JPH3: variants seen among roughly 807,000 people sequenced by gnomAD.
JPH3 encodes the protein junctophilin-3.
Under a neutral mutation model 59.6 loss-of-function variants are expected in JPH3, and 11 were observed. The ratio of observed to expected loss-of-function variants is 0.18; its 90% CI spans 0.12 to 0.31. JPH3 has a LOEUF of 0.31. Among genes scored for constraint, JPH3 ranks in the 10% least tolerant of loss-of-function variants. The pLI is 1.00. For missense variants in JPH3, 1,202 were observed against 1,105.7 expected (o/e 1.09, Z -1.24); for synonymous variants, 673 against 483.6 (o/e 1.39, Z -5.14).
intron 1 of JPH3, among the ~76,000 whole-genome samples, chr16:87,639,903 C>T (rs1009614287): frequency 7.9e-5 from 12 of 152,188 alleles, no homozygotes; most frequent in Admixed American, 3.3e-4. Context: ...ATTTTATCCC[C>T]GATGCCTTCA....
chr16:87,646,036 G>T (rs1356155665), intron 2 of JPH3, among the ~76,000 whole-genome samples: 2 of 152,240 alleles, frequency 1.3e-5, no homozygotes, highest in Non-Finnish European at 2.9e-5. Flanking sequence ...TTGGGGCAGG[G>T]ATCTGGGAGC....
intron 2 of JPH3, among the ~76,000 whole-genome samples, chr16:87,658,087 T>G (rs535668153): frequency 5.9e-5 from 9 of 152,300 alleles, no homozygotes; most frequent in African/African-American, 2.2e-4. Flanking sequence ...GAAGGCACCA[T>G]GCGGCCCACG....
chr16:87,688,146 T>A (rs1268871846), intron 3 of JPH3, among the ~76,000 whole-genome samples: 1 of 151,984 alleles, frequency 6.6e-6, no homozygotes, highest in Non-Finnish European at 1.5e-5. Flanking sequence ...CAGCCCTGTT[T>A]CTGGGGAGTG....
At chr16:87,694,579 C>T (rs903948381) in intron 4 of JPH3, 4 of 152,310 alleles carry the variant, frequency 2.6e-5, no homozygotes, top group African/African-American at 9.6e-5. Flanking sequence ...CAGAGCCGGC[C>T]ACTGCCAGCC....
At chr16:87,688,611 C>G (rs866075490) in intron 3 of JPH3, among the ~76,000 whole-genome samples, 2 of 152,196 alleles carry the variant, frequency 1.3e-5, no homozygotes, top group Middle Eastern at 6.8e-3. Context: ...AGGTGGCCGC[C>G]CCGGGTAGAG....
intron 2 of JPH3, among the ~76,000 whole-genome samples, chr16:87,662,443 C>T (rs1047616872): frequency 2.0e-5 from 3 of 151,802 alleles, no homozygotes; most frequent in Non-Finnish European, 2.9e-5. Flanking sequence ...TTTTTAGCAC[C>T]GTCAGCATAA....
chr16:87,643,395 G>A (rs1226739607), intron 1 of JPH3, among the ~76,000 whole-genome samples: 1 of 135,936 alleles, frequency 7.4e-6, no homozygotes, highest in Non-Finnish European at 1.5e-5. Context: ...CCCTTCTTCT[G>A]GGGATATCAG....
At chr16:87,690,935 G>A (rs2033553854) in intron 4 of JPH3, among the ~76,000 whole-genome samples, 1 of 152,222 alleles carries the variant, frequency 6.6e-6, no homozygotes, top group African/African-American at 2.4e-5. Context: ...CGAAACAGCT[G>A]GGGGCAAGGC....
At chr16:87,674,951 G>C (rs1245869966) in intron 2 of JPH3, among the ~76,000 whole-genome samples, 1 of 151,828 alleles carries the variant, frequency 6.6e-6, no homozygotes, top group Non-Finnish European at 1.5e-5. Flanking sequence ...AGTAGAGATG[G>C]GGGTTTCACC....
chr16:87,602,998 G>T lies in JPH3; in HGVS notation c.-149G>T. 3.5e-6 allele frequency: 3 copies of T among 852,894 alleles called. No homozygotes were observed. Among genetic ancestry groups the T allele is most frequent in the African/African-American group, 1.8e-5 (1 of 54,986 alleles). The allele number at this position is 852,894 out of a possible 1,614,324, so 52.8% of individuals were successfully genotyped here. On this transcript the variant is annotated 5_prime_UTR_variant, in exon 1 of 5. Coordinates refer to ENST00000284262, the MANE Select transcript of JPH3 (RefSeq NM_020655.4). ...TTCCTCCGGAGCCGGCGCCGCGGCC[G>T]CCCGCGCCCGAGACCGCGCTCCGGG...
chr16:87,628,501 T>C (rs2031457384), intron 1 of JPH3, among the ~76,000 whole-genome samples: 1 of 152,180 alleles, frequency 6.6e-6, no homozygotes, highest in East Asian at 1.9e-4. Flanking sequence ...TGTTGCCCGG[T>C]GACAGTAAAG....
chr16:87,687,116 G>T (rs553309947), intron 3 of JPH3, among the ~76,000 whole-genome samples: 2 of 152,302 alleles, frequency 1.3e-5, no homozygotes, highest in Admixed American at 1.3e-4. Flanking sequence ...CGCCTTGGAT[G>T]CATTCAGGAT....
intron 1 of JPH3, among the ~76,000 whole-genome samples, chr16:87,607,092 G>T (rs551621782): frequency 1.3e-5 from 2 of 152,134 alleles, no homozygotes; most frequent in Non-Finnish European, 2.9e-5. Flanking sequence ...CTTTCCTCTC[G>T]TTTATATCTC....
chr16:87,643,706 C>T (rs910766348), intron 1 of JPH3, among the ~76,000 whole-genome samples: 1 of 152,168 alleles, frequency 6.6e-6, no homozygotes, highest in Admixed American at 6.5e-5. Context: ...CTCCCTTCTC[C>T]CTCCCCGATT....
intron 1 of JPH3, among the ~76,000 whole-genome samples, chr16:87,641,966 C>G (rs956214296): frequency 5.3e-5 from 8 of 151,958 alleles, no homozygotes; most frequent in Admixed American, 3.9e-4. Flanking sequence ...CCCTGGGGTG[C>G]TTGGAGGTGC....
intron 1 of JPH3, among the ~76,000 whole-genome samples, chr16:87,626,181 TGC>T (rs113110388): frequency 6.6e-6 from 1 of 152,104 alleles, no homozygotes; most frequent in African/African-American, 2.4e-5. Flanking sequence ...CATTGCTTTG[TGC>T]TTAGTAACTG....
chr16:87,620,462 G>C (rs2031137654), intron 1 of JPH3, among the ~76,000 whole-genome samples: 1 of 140,716 alleles, frequency 7.1e-6, no homozygotes, highest in Non-Finnish European at 1.5e-5. Context: ...GAAGGAGAGA[G>C]AGGGAGAGAA....
At chr16:87,605,465 C>G (rs999233838) in intron 1 of JPH3, among the ~76,000 whole-genome samples, 20 of 152,226 alleles carry the variant, frequency 1.3e-4, no homozygotes, top group Non-Finnish European at 4.4e-5. Flanking sequence ...AGACACAGAT[C>G]TTTGCCCTCA....
chr16:87,636,108 C>T, intron 1 of JPH3, among the ~76,000 whole-genome samples: 1 of 152,208 alleles, frequency 6.6e-6, no homozygotes, highest in East Asian at 1.9e-4. Flanking sequence ...TCTTCATGCA[C>T]ACAAGCCGCC....
Sources: gnomAD v4.1 joint callset for allele counts (sites outside exome capture counted in the v4.1 genomes callset) on GRCh38, gnomAD v4.1.1 for gene constraint, MANE v1.5 for transcripts, NCBI Gene and HGNC (gene_info 2026-07-23, HGNC 2026-07-21) for gene names.